RRM2: variants seen among roughly 807,000 people sequenced by gnomAD.
The protein encoded by RRM2 is ribonucleoside-diphosphate reductase subunit M2.
RRM2 carries 6 observed loss-of-function variants against 45.9 expected under a neutral mutation model. That is an observed-to-expected ratio of 0.13 (90% CI 0.07 to 0.26). The LOEUF (loss-of-function observed/expected upper bound fraction) is 0.26. RRM2 is among the 10% of genes least tolerant of loss of function. The pLI, the probability that RRM2 is intolerant of heterozygous loss-of-function variation, is 1.00. For missense variants in RRM2, 343 were observed against 489.5 expected (o/e 0.70, Z 2.82); for synonymous variants, 177 against 173.0 (o/e 1.02, Z -0.18).
At chr2:10,146,174 G>A (rs1354182432) in intron 3 of RRM2, 1 of 152,258 alleles carries the variant, frequency 6.6e-6, no homozygotes, top group Non-Finnish European at 1.5e-5. Flanking sequence ...TGAGGCTCAG[G>A]GAGGTTAAGG....
At chr2:10,146,381 C>T (rs1009951213) in intron 3 of RRM2, among the ~76,000 whole-genome samples, 2 of 152,178 alleles carry the variant, frequency 1.3e-5, no homozygotes, top group Admixed American at 6.5e-5. Context: ...GACTTAGAGA[C>T]CCTGGTATTT....
intron 3 of RRM2, among the ~76,000 whole-genome samples, chr2:10,161,206 C>A (rs1572509209): frequency 6.6e-6 from 1 of 152,168 alleles, no homozygotes; most frequent in Non-Finnish European, 1.5e-5. Flanking sequence ...CACAGACATG[C>A]ACCACCATGC....
chr2:10,184,835 C>T (rs1485820988), intron 3 of RRM2, among the ~76,000 whole-genome samples: 1 of 152,226 alleles, frequency 6.6e-6, no homozygotes, highest in Non-Finnish European at 1.5e-5. Context: ...GAAACTGAGT[C>T]AGAAAGGGAG....
chr2:10,161,606 AC>A (rs1476877320), intron 3 of RRM2, among the ~76,000 whole-genome samples: 2 of 152,154 alleles, frequency 1.3e-5, no homozygotes, highest in African/African-American at 4.8e-5. Context: ...CCACACACAC[AC>A]ATTCATATGC....
upstream of RRM2, among the ~76,000 whole-genome samples, chr2:10,137,504 A>G (rs536710199): frequency 1.3e-5 from 2 of 152,362 alleles, no homozygotes; most frequent in South Asian, 2.1e-4. Context: ...GATCCTGTCC[A>G]TATAGGACCA....
chr2:10,154,814 GCCTT>G (rs1663392937), intron 3 of RRM2, among the ~76,000 whole-genome samples: 1 of 149,678 alleles, frequency 6.7e-6, no homozygotes, highest in Non-Finnish European at 1.5e-5. Context: ...TCCTGCCTCA[GCCTT>G]CCCAAGTAGC....
intron 3 of RRM2, among the ~76,000 whole-genome samples, chr2:10,158,276 C>T (rs1035080801): frequency 2.0e-5 from 3 of 152,102 alleles, no homozygotes; most frequent in East Asian, 1.9e-4. Context: ...TGATACAAAG[C>T]GGTCAGCAGT....
chr2:10,144,352 AC>A (rs1663146893), intron 3 of RRM2, among the ~76,000 whole-genome samples: 1 of 152,260 alleles, frequency 6.6e-6, no homozygotes, highest in African/African-American at 2.4e-5. Flanking sequence ...TTCCTTTGGA[AC>A]CTGTGCTGTG....
intron 3 of RRM2, among the ~76,000 whole-genome samples, chr2:10,200,251 C>G (rs1664519395): frequency 6.6e-6 from 1 of 152,206 alleles, no homozygotes; most frequent in Non-Finnish European, 1.5e-5. Context: ...CTTTTTAAAG[C>G]CAATCCCAGC....
rs972984287 is a variant in RRM2 at position 10,169,092 on chromosome 2, C to T, written n.482+26717C>T. On this transcript the variant is annotated intron_variant and non_coding_transcript_variant, in intron 3 of 3. Coordinates refer to the RRM2 transcript ENST00000381786. This position sits in a 1 kb window ranked among gnomAD's most constrained non-coding sequence, Gnocchi z 5.1. ...GGCTCAAGCCATCCTTCCACCTCAG[C>T]CTTCCAAGTAGCTGGGACTACAGGC... Among the ~76,000 whole-genome samples the T allele has an allele frequency of 6.6e-6, 1 of 152,106 alleles. No individual in the cohort carries two copies. The highest frequency in any genetic ancestry group is 2.4e-5 in the African/African-American group (1 of 41,408).
At chr2:10,147,699 T>G (rs1663217791) in intron 3 of RRM2, among the ~76,000 whole-genome samples, 1 of 152,252 alleles carries the variant, frequency 6.6e-6, no homozygotes, top group Non-Finnish European at 1.5e-5. Flanking sequence ...CTAAAAACAC[T>G]TATGAAAAGT....
chr2:10,156,551 AAGAG>A (rs1277572196), intron 3 of RRM2, among the ~76,000 whole-genome samples: 3 of 152,210 alleles, frequency 2.0e-5, no homozygotes, highest in African/African-American at 4.8e-5. Context: ...TTCTCACAGA[AAGAG>A]AGAACAGAGG....
upstream of RRM2, among the ~76,000 whole-genome samples, chr2:10,137,585 G>T (rs1663012238): frequency 6.6e-6 from 1 of 152,206 alleles, no homozygotes; most frequent in African/African-American, 2.4e-5. Flanking sequence ...GGACGCTCTG[G>T]GTACTATGCT....
intron 3 of RRM2, among the ~76,000 whole-genome samples, chr2:10,194,606 CG>C (rs1250127259): frequency 2.0e-5 from 3 of 152,258 alleles, no homozygotes; most frequent in Non-Finnish European, 4.4e-5. Context: ...CGGTGGGCCC[CG>C]GGTGGCTTGG....
rs773031728 is a variant in RRM2, at chr2:10,122,875, G to A, written c.77G>A (p.Ser26Asn). 12 of 1,597,320 alleles carry A rather than the reference G, an allele frequency of 7.5e-6. No individual in the cohort carries two copies. The South Asian group carries it at 1.2e-4, about 17-fold the overall frequency. The change falls in exon 1 of 10, where the codon AGC (serine) becomes AAC (asparagine). Residue 26 changes from serine (S) to asparagine (N), a missense_variant. This residue lies in a region of RRM2 where 131 missense variants were observed against 121.4 expected (regional missense o/e 1.08). Coordinates refer to ENST00000304567, the MANE Select transcript of RRM2 (RefSeq NM_001034.4). Reference protein sequence around the residue: ...QLQLSPLKGLSLVDKENTPPA... With the variant: ...QLQLSPLKGLNLVDKENTPPA... ...CAGCTCTCGCCGCTGAAGGGGCTCA[G>A]CTTGGTCGACAAGGAGAACACGGTG...
chr2:10,181,385 G>C (rs1664043677), intron 3 of RRM2, among the ~76,000 whole-genome samples: 1 of 152,158 alleles, frequency 6.6e-6, no homozygotes. Context: ...CCTTTTCAAG[G>C]AACCAACTTT....
At chr2:10,177,121 C>T (rs560165342) in intron 3 of RRM2, among the ~76,000 whole-genome samples, 2 of 152,250 alleles carry the variant, frequency 1.3e-5, no homozygotes, top group Admixed American at 1.3e-4. Context: ...TGGTGGGCAT[C>T]TGTAATCCCA....
upstream of RRM2, chr2:10,122,724 A>C (rs752527099): frequency 1.9e-6 from 3 of 1,551,362 alleles, no homozygotes; most frequent in Admixed American, 5.9e-5. Context: ...AGGCTGCTGG[A>C]GTGAGGGGTC....
intron 3 of RRM2, chr2:10,145,454 T>C (rs572969518): frequency 6.6e-6 from 1 of 152,412 alleles, no homozygotes; most frequent in South Asian, 2.1e-4. Context: ...TTCTGGCTCA[T>C]TTGTTCTATG....
Sources: allele counts gnomAD v4.1 joint callset (sites outside exome capture counted in the v4.1 genomes callset), GRCh38; gene constraint gnomAD v4.1.1; regional missense constraint gnomAD v4.1.1; non-coding constraint Gnocchi (gnomAD v3.1); transcripts MANE v1.5; gene names NCBI Gene and HGNC (gene_info 2026-07-23, HGNC 2026-07-21).